The following SLC4A8 variants were observed in gnomAD, a reference collection of about 807,000 sequenced individuals.
SLC4A8 encodes solute carrier family 4 member 8.
SLC4A8 carries 40 observed loss-of-function variants against 125.0 expected under a neutral mutation model. That is an observed-to-expected ratio of 0.32 (90% CI 0.25 to 0.42). The LOEUF (loss-of-function observed/expected upper bound fraction) is 0.42, where lower values mean the gene tolerates loss of function less well. Among genes scored for constraint, SLC4A8 ranks in the 10% least tolerant of loss-of-function variants. The pLI, the probability that SLC4A8 is intolerant of heterozygous loss-of-function variation, is 1.00. For missense variants in SLC4A8, 863 were observed against 1,355.1 expected (o/e 0.64, Z 5.70); for synonymous variants, 456 against 476.0 (o/e 0.96, Z 0.55).
At chr12:51,433,604 A>G (rs148241962) in intron 1 of SLC4A8, among the ~76,000 whole-genome samples, 236 of 152,274 alleles carry the variant, frequency 1.5e-3, no homozygotes, top group African/African-American at 5.4e-3. Context: ...ACCACAATTG[A>G]GAGATCTTTT....
intron 16 of SLC4A8, among the ~76,000 whole-genome samples, chr12:51,484,930 C>T (rs961077136): frequency 2.6e-5 from 4 of 151,984 alleles, no homozygotes; most frequent in African/African-American, 9.7e-5. Flanking sequence ...ACCTAAAAGA[C>T]GTGAGGGAGC....
chr12:51,496,354 A>T (rs1360132513), intron 21 of SLC4A8, among the ~76,000 whole-genome samples: 1 of 152,228 alleles, frequency 6.6e-6, no homozygotes, highest in South Asian at 2.1e-4. Flanking sequence ...CCTCATGGAA[A>T]GAAAGTGGAG....
chr12:51,410,876 CTTT>C (rs58043742), intron 1 of SLC4A8, among the ~76,000 whole-genome samples: 16 of 117,372 alleles, frequency 1.4e-4, no homozygotes, highest in Admixed American at 3.5e-4. Flanking sequence ...CTTTTCTTTT[CTTT>C]TTTTTTTTTT....
intron 16 of SLC4A8, among the ~76,000 whole-genome samples, chr12:51,476,294 C>T (rs1950852793): frequency 6.6e-6 from 1 of 152,014 alleles, no homozygotes; most frequent in African/African-American, 2.4e-5. Context: ...CCAGCCTGGC[C>T]AACATGCTGA....
chr12:51,470,445 G>A lies in SLC4A8; in HGVS notation c.1578G>A (p.Leu526=). The part of the protein sequence containing the change: ...GASMTGIAYS[L]FAGQALTILG... ...CCATGACTGGGATTGCTTATTCCTTGTTTGCGGGACAGGCTCTCACCATCC... is the reference window on the plus strand; with the variant it reads ...CCATGACTGGGATTGCTTATTCCTTATTTGCGGGACAGGCTCTCACCATCC... The change falls in exon 13 of 25, where the codon TTG becomes TTA. Residue 526 remains leucine (L), a synonymous_variant. Transcript: ENST00000453097. 2 of 1,613,868 alleles carry A rather than the reference G, an allele frequency of 1.2e-6. No individual in the cohort carries two copies. The highest frequency in any genetic ancestry group is 1.7e-6 in the Non-Finnish European group (2 of 1,179,758).
At chr12:51,402,459 C>T (rs1247770877) in intron 1 of SLC4A8, among the ~76,000 whole-genome samples, 3 of 152,176 alleles carry the variant, frequency 2.0e-5, no homozygotes, top group Admixed American at 6.5e-5. Flanking sequence ...CAGTAGCTCA[C>T]GCCTGTAATC....
intron 4 of SLC4A8, 62 bp from the exon 5 acceptor site, chr12:51,453,477 A>T: frequency 1.3e-6 from 2 of 1,544,152 alleles, no homozygotes; most frequent in Non-Finnish European, 1.8e-6. Context: ...CACATCGAAG[A>T]TTCTCTCTTA....
chr12:51,467,616 C>T (rs573348458), intron 11 of SLC4A8, among the ~76,000 whole-genome samples: 1 of 152,166 alleles, frequency 6.6e-6, no homozygotes, highest in Admixed American at 6.5e-5. Context: ...AAGCCTCCTT[C>T]CGTGAGAGAG....
At chr12:51,500,033 T>C (rs1937780230) in intron 22 of SLC4A8, among the ~76,000 whole-genome samples, 1 of 152,162 alleles carries the variant, frequency 6.6e-6, no homozygotes, top group Non-Finnish European at 1.5e-5. Context: ...AAGATAGAGC[T>C]GACAGGTTTT....
At chr12:51,459,908 G>T in intron 7 of SLC4A8, 43 bp from the exon 8 acceptor site, 2 of 1,540,128 alleles carry the variant, frequency 1.3e-6, no homozygotes, top group Non-Finnish European at 1.8e-6. Context: ...GATATTTAAG[G>T]TGGTGGTTCC....
At chr12:51,391,584 C>A (rs1403102619) in intron 1 of SLC4A8, 2 of 152,058 alleles carry the variant, frequency 1.3e-5, no homozygotes, top group Non-Finnish European at 2.9e-5. Context: ...GGGTCGCGGG[C>A]TCCTTCTGCC....
chr12:51,410,740 G>A (rs1339145544), intron 1 of SLC4A8, among the ~76,000 whole-genome samples: 1 of 152,126 alleles, frequency 6.6e-6, no homozygotes, highest in Non-Finnish European at 1.5e-5. Context: ...GATTACAGGT[G>A]TGAGTCACCA....
At chr12:51,399,997 A>AAAAC (rs1948342558) in intron 1 of SLC4A8, among the ~76,000 whole-genome samples, 2 of 147,800 alleles carry the variant, frequency 1.4e-5, no homozygotes, top group African/African-American at 2.5e-5. Context: ...AAAAAAAAAA[A>AAAAC]AAACCATGTT....
At chr12:51,466,482 A>G (rs986623076) in intron 11 of SLC4A8, 5 of 152,136 alleles carry the variant, frequency 3.3e-5, no homozygotes, top group African/African-American at 1.2e-4. Flanking sequence ...CCTTAAGTCA[A>G]TGCTCCAGAG....
At chr12:51,409,765 T>G (rs979108520) in intron 1 of SLC4A8, among the ~76,000 whole-genome samples, 1 of 152,194 alleles carries the variant, frequency 6.6e-6, no homozygotes, top group Non-Finnish European at 1.5e-5. Context: ...TGTAACCAAA[T>G]GTAAGTCTGG....
intron 1 of SLC4A8, among the ~76,000 whole-genome samples, chr12:51,430,979 AATCTG>A (rs1949167918): frequency 6.6e-6 from 1 of 152,252 alleles, no homozygotes; most frequent in Non-Finnish European, 1.5e-5. Flanking sequence ...ATAGTTCAGA[AATCTG>A]ATACAGGTCT....
intron 1 of SLC4A8, chr12:51,403,213 G>A (rs991944660): frequency 1.7e-4 from 76 of 456,860 alleles, no homozygotes; most frequent in Non-Finnish European, 2.9e-4. Flanking sequence ...CGCTACCGCC[G>A]GGGAGACCCA....
intron 1 of SLC4A8, among the ~76,000 whole-genome samples, chr12:51,429,668 AT>A (rs1221374307): frequency 6.6e-6 from 1 of 150,570 alleles, no homozygotes; most frequent in East Asian, 2.0e-4. Context: ...ATGTCCAGCT[AT>A]TTTTTTTTAT....
chr12:51,484,285 C>T (rs1252541290), intron 16 of SLC4A8, among the ~76,000 whole-genome samples: 1 of 152,186 alleles, frequency 6.6e-6, no homozygotes, highest in Non-Finnish European at 1.5e-5. Context: ...TCTGTACTGA[C>T]TACTTGCTCA....
Sources: gnomAD v4.1 joint callset for allele counts (sites outside exome capture counted in the v4.1 genomes callset) on GRCh38, gnomAD v4.1.1 for gene constraint, MANE v1.5 for transcripts, NCBI Gene and HGNC (gene_info 2026-07-23, HGNC 2026-07-21) for gene names.